The following ZNF385B variants were observed in gnomAD, a reference collection of about 807,000 sequenced individuals.
ZNF385B encodes zinc finger protein 385B.
A neutral mutation model predicts 39.2 loss-of-function variants in ZNF385B; 23 were observed. That is an observed-to-expected ratio of 0.59 (90% CI 0.42 to 0.83). ZNF385B has a LOEUF of 0.83. Among genes scored for constraint, ZNF385B ranks in the 40% least tolerant of loss-of-function variants. The pLI, the probability that ZNF385B is intolerant of heterozygous loss-of-function variation, is 0.00. For synonymous variants in ZNF385B, 205 were observed against 222.6 expected, an observed-to-expected ratio of 0.92 and a Z score of 0.70; for missense variants, 552 against 598.9, an observed-to-expected ratio of 0.92 and a Z score of 0.82.
At chr2:179,601,810 T>A (rs988290) in intron 3 of ZNF385B, among the ~76,000 whole-genome samples, 24,474 of 152,154 alleles carry the variant, frequency 0.16, 2,388 homozygotes, top group African/African-American at 0.25. Context: ...TAAAATGTAA[T>A]GATCAAAGAA....
At chr2:179,696,160 T>C (rs1575259812) in intron 3 of ZNF385B, among the ~76,000 whole-genome samples, 1 of 151,968 alleles carries the variant, frequency 6.6e-6, no homozygotes, top group South Asian at 2.1e-4. Context: ...GGGTACAGGG[T>C]TTCTTTTTGA....
At chr2:179,504,044 A>G (rs2057015942) in intron 5 of ZNF385B, among the ~76,000 whole-genome samples, 1 of 133,676 alleles carries the variant, frequency 7.5e-6, no homozygotes, top group South Asian at 2.5e-4. Context: ...ACCCCACCAC[A>G]GTCCCCAGAG....
chr2:179,759,985 C>T (rs1370356527), intron 3 of ZNF385B, among the ~76,000 whole-genome samples: 1 of 151,870 alleles, frequency 6.6e-6, no homozygotes, highest in Non-Finnish European at 1.5e-5. Context: ...CAGAGATTCA[C>T]ATGCAGTTGT....
rs894199849 is a variant in ZNF385B, at chr2:179,775,137, T to C, written c.-154-4465A>G. Among the ~76,000 whole-genome samples, 6 of 152,094 alleles carry C rather than the reference T, an allele frequency of 3.9e-5. No individual in the cohort carries two copies. In the East Asian group the frequency reaches 5.8e-4, roughly 15 times the overall value. ...CACAATTCCTTTCCCCAAAATAGAG[T>C]TTCAGAGAAAACTAAAAGGTCAGTA... On this transcript the variant is annotated intron_variant, in intron 1 of 9. Coordinates refer to ENST00000410066, the MANE Select transcript of ZNF385B (RefSeq NM_152520.6).
intron 5 of ZNF385B, among the ~76,000 whole-genome samples, chr2:179,502,585 C>T (rs1441239274): frequency 6.6e-6 from 1 of 152,122 alleles, no homozygotes; most frequent in Non-Finnish European, 1.5e-5. Flanking sequence ...TTGCCTTCTG[C>T]CATGATTGTA....
chr2:179,541,438 T>A (rs754576549), intron 4 of ZNF385B, among the ~76,000 whole-genome samples: 1 of 152,202 alleles, frequency 6.6e-6, no homozygotes, highest in Non-Finnish European at 1.5e-5. Flanking sequence ...AAACATTATG[T>A]TTTTAAAAAT....
At chr2:179,498,199 C>G (rs1038957741) in intron 5 of ZNF385B, among the ~76,000 whole-genome samples, 2 of 152,000 alleles carry the variant, frequency 1.3e-5, no homozygotes, top group Admixed American at 6.6e-5. Context: ...ATACTATAGA[C>G]CAAATGGACC....
intron 3 of ZNF385B, among the ~76,000 whole-genome samples, chr2:179,709,210 G>GTAAC (rs1699827172): frequency 6.6e-6 from 1 of 152,192 alleles, no homozygotes; most frequent in African/African-American, 2.4e-5. Context: ...CACCCTGAGC[G>GTAAC]GGTATGTGTT....
At chr2:179,521,231 G>C (rs2058471279) in intron 4 of ZNF385B, among the ~76,000 whole-genome samples, 1 of 151,830 alleles carries the variant, frequency 6.6e-6, no homozygotes, top group African/African-American at 2.4e-5. Context: ...CCGTGGCCCA[G>C]GCTGGAGTGT....
intron 3 of ZNF385B, among the ~76,000 whole-genome samples, chr2:179,766,247 A>C (rs1703686681): frequency 6.6e-6 from 1 of 152,088 alleles, no homozygotes; most frequent in African/African-American, 2.4e-5. Context: ...ATTCCCATCG[A>C]TGCCAACTCC....
intron 3 of ZNF385B, among the ~76,000 whole-genome samples, chr2:179,616,240 G>A (rs2106148308): frequency 6.6e-6 from 1 of 152,214 alleles, no homozygotes; most frequent in South Asian, 2.1e-4. Flanking sequence ...TACAATGCTT[G>A]GCACACAATG....
chr2:179,825,573 C>T lies in ZNF385B; in HGVS notation c.-155+35528G>A, dbSNP rs543945552. On this transcript the variant is annotated intron_variant, in intron 1 of 9. Coordinates refer to ENST00000410066, the MANE Select transcript of ZNF385B (RefSeq NM_152520.6). ...GCAAGATTTAAAAGCATCTCATTTCCTCTTTCCCAAATTACTTGTAAGGTT... is the reference window on the plus strand; with the variant it reads ...GCAAGATTTAAAAGCATCTCATTTCTTCTTTCCCAAATTACTTGTAAGGTT... Among the ~76,000 whole-genome samples, 8 of 152,230 alleles carry T rather than the reference C, an allele frequency of 5.3e-5. No homozygotes were observed. The South Asian group carries it at 1.7e-3, about 32-fold the overall frequency.
chr2:179,560,455 G>A (rs921848786), intron 3 of ZNF385B, among the ~76,000 whole-genome samples: 3 of 152,314 alleles, frequency 2.0e-5, no homozygotes, highest in Admixed American at 6.5e-5. Flanking sequence ...GAGAAAGCAT[G>A]TTTCCAGCTA....
chr2:179,779,072 C>T (rs983935026), intron 1 of ZNF385B, among the ~76,000 whole-genome samples: 6 of 152,158 alleles, frequency 3.9e-5, no homozygotes, highest in Non-Finnish European at 8.8e-5. Flanking sequence ...CCTACAATTT[C>T]ATCAATTTCA....
chr2:179,679,121 C>T (rs1053073759), intron 3 of ZNF385B, among the ~76,000 whole-genome samples: 2 of 152,164 alleles, frequency 1.3e-5, no homozygotes, highest in African/African-American at 4.8e-5. Context: ...AATGACATTT[C>T]AGTCAATGAC....
intron 3 of ZNF385B, among the ~76,000 whole-genome samples, chr2:179,693,564 C>A (rs914558644): frequency 2.0e-5 from 3 of 152,108 alleles, no homozygotes; most frequent in Non-Finnish European, 4.4e-5. Context: ...TTTCAAAGTT[C>A]TTAGAGTTCG....
rs145223470 is a variant in ZNF385B at position 179,604,374 on chromosome 2, AAGG to A, written c.299-59408_299-59406del. On this transcript the variant is annotated intron_variant, in intron 3 of 9. Coordinates refer to ENST00000410066, the MANE Select transcript of ZNF385B (RefSeq NM_152520.6). ...GACGGGGCTAATGATGGCTAGGAAA[AAGG>A]AGCAATTTTAAGAAGGGGAATAACT... Among the ~76,000 whole-genome samples the A allele has an allele frequency of 5.3e-3, 807 of 152,250 alleles. 4 individuals are homozygous for A. The highest frequency in any genetic ancestry group is 0.017 in the African/African-American group (713 of 41,572).
chr2:179,653,101 G>A (rs189449799), intron 3 of ZNF385B, among the ~76,000 whole-genome samples: 5 of 152,214 alleles, frequency 3.3e-5, no homozygotes, highest in East Asian at 1.9e-4. Context: ...ATAGAAGAAC[G>A]AAAACAGTTG....
intron 1 of ZNF385B, among the ~76,000 whole-genome samples, chr2:179,838,645 GC>G (rs777410622): frequency 1.9e-4 from 29 of 152,176 alleles, no homozygotes; most frequent in Non-Finnish European, 4.0e-4. Context: ...GGGATGTAAA[GC>G]TATATATAGA....
Sources: gnomAD v4.1 joint callset for allele counts (sites outside exome capture counted in the v4.1 genomes callset) on GRCh38, gnomAD v4.1.1 for gene constraint, MANE v1.5 for transcripts, NCBI Gene and HGNC (gene_info 2026-07-23, HGNC 2026-07-21) for gene names.